CSMD3: variants seen among roughly 807,000 people sequenced by gnomAD.
The protein encoded by CSMD3 is CUB and Sushi multiple domains 3.
A neutral mutation model predicts 435.2 loss-of-function variants in CSMD3; 177 were observed. The ratio of observed to expected loss-of-function variants is 0.41; its 90% confidence interval spans 0.36 to 0.46. The LOEUF (loss-of-function observed/expected upper bound fraction) is 0.46. CSMD3 is among the 20% of genes least tolerant of loss of function. CSMD3 has a pLI of 0.34. For synonymous variants in CSMD3, 1,656 were observed against 1,520.5 expected (o/e 1.09, Z -2.07); for missense variants, 4,265 against 4,504.6 (o/e 0.95, Z 1.52).
chr8:112,359,133 A>C (rs1826927771), intron 38 of CSMD3, among the ~76,000 whole-genome samples: 1 of 152,168 alleles, frequency 6.6e-6, no homozygotes, highest in Admixed American at 6.6e-5. Context: ...TTACATTTTC[A>C]GGCTAATCTA....
intron 35 of CSMD3, among the ~76,000 whole-genome samples, chr8:112,395,198 G>A (rs16883546): frequency 0.021 from 3,123 of 152,166 alleles, 104 homozygotes; most frequent in African/African-American, 0.071. Flanking sequence ...GATTAATAGA[G>A]CAGGCTTTCA....
chr8:112,965,582 A>G (rs1238358403), intron 7 of CSMD3, among the ~76,000 whole-genome samples: 1 of 151,924 alleles, frequency 6.6e-6, no homozygotes, highest in Non-Finnish European at 1.5e-5. Flanking sequence ...GCATGGCTTG[A>G]AGGGTAGCAT....
intron 3 of CSMD3, among the ~76,000 whole-genome samples, chr8:113,261,151 G>T (rs550591247): frequency 2.2e-4 from 34 of 152,234 alleles, no homozygotes; most frequent in African/African-American, 8.2e-4. Flanking sequence ...AGTATATACA[G>T]ATTGGTCCAT....
chr8:112,967,628 A>G (rs2084473503), intron 7 of CSMD3, among the ~76,000 whole-genome samples: 3 of 151,854 alleles, frequency 2.0e-5, no homozygotes, highest in Admixed American at 6.6e-5. Flanking sequence ...CATCCAAACT[A>G]AGGCAGCAAT....
intron 22 of CSMD3, among the ~76,000 whole-genome samples, chr8:112,612,657 A>G (rs1274976220): frequency 7.0e-6 from 1 of 142,632 alleles, no homozygotes; most frequent in Non-Finnish European, 1.5e-5. Context: ...CTGCATGTAT[A>G]TTTTTAGACA....
chr8:113,136,647 T>G (rs772896527), intron 4 of CSMD3, among the ~76,000 whole-genome samples: 1 of 151,536 alleles, frequency 6.6e-6, no homozygotes, highest in African/African-American at 2.4e-5. Flanking sequence ...CAGGATTTAG[T>G]AGATTAAAGA....
chr8:113,001,799 C>A (rs2085873880), intron 6 of CSMD3, among the ~76,000 whole-genome samples: 1 of 152,038 alleles, frequency 6.6e-6, no homozygotes. Context: ...TGCTGTAAGT[C>A]ATTTTACTTA....
chr8:112,796,063 T>G (rs891847954), intron 13 of CSMD3, among the ~76,000 whole-genome samples: 5 of 152,130 alleles, frequency 3.3e-5, no homozygotes, highest in African/African-American at 1.2e-4. Flanking sequence ...TATTTTGATG[T>G]GTACCTGATG....
intron 4 of CSMD3, among the ~76,000 whole-genome samples, chr8:113,151,260 A>G (rs914214619): frequency 2.6e-5 from 4 of 151,968 alleles, no homozygotes; most frequent in Non-Finnish European, 5.9e-5. Flanking sequence ...AAATACTATT[A>G]TCTATTTTCT....
At chr8:112,352,863 A>G (rs1324985116) in intron 38 of CSMD3, among the ~76,000 whole-genome samples, 7 of 152,164 alleles carry the variant, frequency 4.6e-5, no homozygotes, top group Non-Finnish European at 1.0e-4. Flanking sequence ...AAATTCCTAC[A>G]TGAAAATTAA....
chr8:112,419,099 A>G (rs1385103017), intron 32 of CSMD3, among the ~76,000 whole-genome samples: 2 of 152,202 alleles, frequency 1.3e-5, no homozygotes, highest in Non-Finnish European at 2.9e-5. Context: ...TGTACTATCA[A>G]GTGAAACTTT....
In CSMD3 at chr8:113,193,663, T is replaced by C. The variant is rs73701333; in HGVS notation, c.515-19747A>G. Among the ~76,000 whole-genome samples the C allele has an allele frequency of 7.7e-3, 1,164 of 151,602 alleles. 19 individuals carry two copies. Among genetic ancestry groups the C allele is most frequent in the African/African-American group, 0.027 (1,118 of 41,492 alleles). ...GTAATAGACCACGTGTTTCCTCTTT[T>C]ATCTAAACACAAAATTCCACATCTA... On this transcript the variant is annotated intron_variant, in intron 3 of 70. Coordinates refer to ENST00000297405, the MANE Select transcript of CSMD3 (RefSeq NM_198123.2).
chr8:113,421,928 G>A (rs1201986771), intron 1 of CSMD3, among the ~76,000 whole-genome samples: 2 of 152,078 alleles, frequency 1.3e-5, no homozygotes. Context: ...TGATTACTGG[G>A]AAACATTATC....
chr8:113,186,792 G>C (rs72687613), intron 3 of CSMD3, among the ~76,000 whole-genome samples: 15,478 of 151,996 alleles, frequency 0.1, 943 homozygotes, highest in Middle Eastern at 0.17. Flanking sequence ...AGCAAGGCAG[G>C]AAATGCCCCT....
At chr8:113,073,964 G>A (rs573120868) in intron 5 of CSMD3, among the ~76,000 whole-genome samples, 6 of 151,634 alleles carry the variant, frequency 4.0e-5, no homozygotes, top group East Asian at 1.9e-4. Flanking sequence ...AGTATATTGC[G>A]TACATGTCTC....
intron 10 of CSMD3, among the ~76,000 whole-genome samples, chr8:112,891,468 T>C (rs548935576): frequency 1.3e-5 from 2 of 151,642 alleles, no homozygotes; most frequent in Admixed American, 1.3e-4. Flanking sequence ...ACTGGGCAGA[T>C]GTTTTTTGGA....
At chr8:113,218,406 C>A (rs1456829154) in intron 3 of CSMD3, among the ~76,000 whole-genome samples, 2 of 145,254 alleles carry the variant, frequency 1.4e-5, no homozygotes, top group East Asian at 4.0e-4. Context: ...CAGTACAAAG[C>A]AATTATTTTT....
intron 13 of CSMD3, among the ~76,000 whole-genome samples, chr8:112,799,006 G>GA (rs374505676): frequency 2.0e-5 from 3 of 151,112 alleles, no homozygotes; most frequent in African/African-American, 7.3e-5. Context: ...CAAGTTGCCG[G>GA]AAAAAAAAGA....
intron 1 of CSMD3, among the ~76,000 whole-genome samples, chr8:113,385,512 C>G (rs777699754): frequency 1.3e-5 from 2 of 152,076 alleles, no homozygotes; most frequent in Non-Finnish European, 2.9e-5. Context: ...ATTGGGAATA[C>G]ATTACCAAGT....
Sources: allele counts gnomAD v4.1 joint callset (sites outside exome capture counted in the v4.1 genomes callset), GRCh38; gene constraint gnomAD v4.1.1; transcripts MANE v1.5; gene names NCBI Gene and HGNC (gene_info 2026-07-23, HGNC 2026-07-21).